GLI3: variants seen among roughly 807,000 people sequenced by gnomAD.
GLI3 encodes the protein transcription activator GLI3.
Under a neutral mutation model 100.8 loss-of-function variants are expected in GLI3, and 20 were observed. The ratio of observed to expected loss-of-function variants is 0.20; its 90% CI spans 0.14 to 0.29. The LOEUF is 0.29. Among genes scored for constraint, GLI3 ranks in the 10% least tolerant of loss-of-function variants. The probability of loss-of-function intolerance (pLI) is 1.00; values close to 1 mark genes in which losing one functional copy is unlikely to be tolerated. For missense variants in GLI3, 2,040 were observed against 2,128.5 expected, an observed-to-expected ratio of 0.96 and a Z score of 0.82; for synonymous variants, 938 against 860.5, an observed-to-expected ratio of 1.09 and a Z score of -1.58.
At chr7:42,118,713 G>C (rs80187142) in intron 3 of GLI3, among the ~76,000 whole-genome samples, 1 of 152,150 alleles carries the variant, frequency 6.6e-6, no homozygotes, top group Non-Finnish European at 1.5e-5. Context: ...TGCAGCCAGG[G>C]GGCCCAGTGG....
At chr7:42,235,902 G>A (rs1187287134) in intron 1 of GLI3, among the ~76,000 whole-genome samples, 1 of 152,228 alleles carries the variant, frequency 6.6e-6, no homozygotes, top group East Asian at 1.9e-4. Flanking sequence ...CATGAGCACT[G>A]TACCCAAGGC....
intron 2 of GLI3, among the ~76,000 whole-genome samples, chr7:42,157,446 G>T (rs1305306060): frequency 1.3e-5 from 2 of 152,132 alleles, no homozygotes; most frequent in African/African-American, 4.8e-5. Flanking sequence ...CAGACATGAC[G>T]CTAGCTGCTC....
At chr7:42,235,041 G>A (rs1788762804) in intron 1 of GLI3, among the ~76,000 whole-genome samples, 1 of 152,006 alleles carries the variant, frequency 6.6e-6, no homozygotes, top group Non-Finnish European at 1.5e-5. Context: ...AACCAGTCCC[G>A]GCAGCTTTAA....
chr7:42,239,671 A>G (rs1018867293), upstream of GLI3, among the ~76,000 whole-genome samples: 2 of 152,194 alleles, frequency 1.3e-5, no homozygotes, highest in African/African-American at 4.8e-5. Flanking sequence ...AATCATGAAG[A>G]TCTTGATTTT....
At chr7:42,055,124 T>TAC (rs1232316325) in intron 4 of GLI3, among the ~76,000 whole-genome samples, 1 of 149,910 alleles carries the variant, frequency 6.7e-6, no homozygotes, top group East Asian at 1.9e-4. Context: ...CACATATATA[T>TAC]ACACATATAT....
rs1554337052 is a variant in GLI3, at chr7:42,182,660, A to ATATATATATATACATGTGTG, written c.125-34193_125-34192insCACACATGTATATATATATA. Among the ~76,000 whole-genome samples the ATATATATATATACATGTGTG allele has an allele frequency of 9.0e-4, 53 of 59,098 alleles. 3 individuals carry two copies. The highest frequency in any genetic ancestry group is 1.7e-3 in the African/African-American group (18 of 10,298). The allele number at this position is 59,098 out of a possible 152,430, so 38.8% of individuals were successfully genotyped here. On this transcript the variant is annotated intron_variant, in intron 2 of 14. Coordinates refer to ENST00000395925, the MANE Select transcript of GLI3 (RefSeq NM_000168.6). ...TATGTGTGTGTATATATATATATAT[A>ATATATATATATACATGTGTG]TATATATATATATATATATATACAC...
chr7:42,131,210 G>T (rs946230572), intron 3 of GLI3, among the ~76,000 whole-genome samples: 1 of 152,192 alleles, frequency 6.6e-6, no homozygotes. Context: ...ATCACAAAGG[G>T]ATGTCTAGAG....
intron 4 of GLI3, among the ~76,000 whole-genome samples, chr7:42,074,516 C>A (rs954389191): frequency 1.3e-5 from 2 of 152,210 alleles, no homozygotes; most frequent in African/African-American, 4.8e-5. Context: ...GTCTCTGGGA[C>A]GGCCCTTAAA....
chr7:42,016,703 CCATCAT>C (rs532668811), intron 10 of GLI3, among the ~76,000 whole-genome samples: 5 of 151,714 alleles, frequency 3.3e-5, no homozygotes, highest in Admixed American at 1.3e-4. Flanking sequence ...ATCATCACCA[CCATCAT>C]CATCATCATC....
chr7:42,071,498 C>A (rs1784783902), intron 4 of GLI3, among the ~76,000 whole-genome samples: 1 of 152,064 alleles, frequency 6.6e-6, no homozygotes, highest in South Asian at 2.1e-4. Context: ...ATTACATGAA[C>A]AGGCCCAATA....
chr7:41,972,358 G>A lies in GLI3; in HGVS notation c.2082C>T (p.Thr694=), dbSNP rs781199735. The A allele has an allele frequency of 7.4e-6, 12 of 1,613,946 alleles. No individual in the cohort carries two copies. Among genetic ancestry groups the A allele is most frequent in the East Asian group, 4.5e-5 (2 of 44,870 alleles). The change falls in exon 13 of 15, where the codon ACC becomes ACT. Residue 694 remains threonine (T), a synonymous_variant. Transcript: ENST00000395925. The surrounding 1 kb of genome is among the most constrained non-coding windows in gnomAD (Gnocchi z 4.4). ...SKREECLQVK[T]VKAEKPMTSQ... is the part of the protein sequence containing the mutation. ...ATACCATTGGCTTCTCTGCCTTGAC[G>A]GTTTTCACCTGGAGGCATTCTTCCC...
At chr7:41,996,755 C>A (rs1788137082) in intron 10 of GLI3, among the ~76,000 whole-genome samples, 1 of 152,232 alleles carries the variant, frequency 6.6e-6, no homozygotes, top group African/African-American at 2.4e-5. Flanking sequence ...TGCTTTTCAG[C>A]CTTAAAGGCT....
At chr7:42,214,328 TTCAACTGTCAAG>T (rs1788330336) in intron 2 of GLI3, among the ~76,000 whole-genome samples, 1 of 151,970 alleles carries the variant, frequency 6.6e-6, no homozygotes, top group African/African-American at 2.4e-5. Context: ...GTCAGACCTT[TTCAACTGTCAAG>T]CCAGAGAGCA....
At chr7:42,228,172 G>A (rs138988348) in intron 1 of GLI3, among the ~76,000 whole-genome samples, 11 of 152,220 alleles carry the variant, frequency 7.2e-5, no homozygotes, top group African/African-American at 1.4e-4. Context: ...TTACATCAGC[G>A]CGGGGAAGTC....
intron 3 of GLI3, among the ~76,000 whole-genome samples, chr7:42,116,823 A>AGGTCTCATAAGAGACCTCTTATTAT (rs139609322): frequency 6.6e-6 from 1 of 152,136 alleles, no homozygotes; most frequent in Admixed American, 6.5e-5. Context: ...ATTTAATAAG[A>AGGTCTCATAAGAGACCTCTTATTAT]GGTCTCATAA....
At chr7:41,989,716 C>G (rs1179867462) in intron 10 of GLI3, among the ~76,000 whole-genome samples, 1 of 152,008 alleles carries the variant, frequency 6.6e-6, no homozygotes, top group Non-Finnish European at 1.5e-5. Context: ...AGCAATTTTA[C>G]TATTCAACCT....
chr7:41,965,025 C>T lies in GLI3; in HGVS notation c.4048G>A (p.Ala1350Thr). The change falls in exon 15 of 15, where the codon GCT becomes ACT. Residue 1350 changes from alanine (A) to threonine (T), a missense_variant. This residue lies in a region of GLI3 where 1,041 missense variants were observed against 924.0 expected (regional missense o/e 1.13). Transcript: ENST00000395925. ...TGGTAGATGTTGATGTGTGAGGTAG[C>T]ACTAATCTGCCCAAGCATCTGCTGA... The part of the protein sequence containing the change: ...PGQQMLGQIS[A>T]TSHINIYQGP... 1 of 1,613,906 alleles carries T rather than the reference C, an allele frequency of 6.2e-7. No homozygotes were observed. The highest frequency in any genetic ancestry group is 1.7e-5 in the Admixed American group (1 of 60,034).
At chr7:41,985,401 A>G (rs1787792398) in intron 10 of GLI3, among the ~76,000 whole-genome samples, 1 of 152,218 alleles carries the variant, frequency 6.6e-6, no homozygotes, top group Admixed American at 6.5e-5. Context: ...AAAGTCTTCT[A>G]CTTTGACATA....
chr7:42,154,229 G>A lies in GLI3; in HGVS notation c.125-5761C>T, dbSNP rs147475794. Among the ~76,000 whole-genome samples, 978 of 152,216 alleles carry A rather than the reference G, an allele frequency of 6.4e-3. 11 individuals carry two copies. The highest frequency in any genetic ancestry group is 0.022 in the African/African-American group (934 of 41,540). On this transcript the variant is annotated intron_variant, in intron 2 of 14. Coordinates refer to ENST00000395925, the MANE Select transcript of GLI3 (RefSeq NM_000168.6). ...AGAAGCCCAAATGACAAATCTATGGGGAGACACTGGACCCACGTGGAGGAC... is the reference window on the plus strand; with the variant it reads ...AGAAGCCCAAATGACAAATCTATGGAGAGACACTGGACCCACGTGGAGGAC...
Sources: gnomAD v4.1 joint callset for allele counts (sites outside exome capture counted in the v4.1 genomes callset) on GRCh38, gnomAD v4.1.1 for gene constraint, gnomAD v4.1.1 regional missense constraint, Gnocchi (gnomAD v3.1) non-coding constraint, MANE v1.5 for transcripts, NCBI Gene and HGNC (gene_info 2026-07-23, HGNC 2026-07-21) for gene names.